Variants in ZNF483 observed in about 807,000 individuals in gnomAD.
ZNF483 encodes zinc finger protein HIT-10.
ZNF483 carries 9 observed loss-of-function variants against 28.6 expected under a neutral mutation model. The observed-to-expected ratio is 0.32, with a 90% confidence interval of 0.19 to 0.55. The LOEUF (loss-of-function observed/expected upper bound fraction) is 0.55. Ranked by LOEUF, ZNF483 falls within the 20% of genes least tolerant of loss-of-function variation. The pLI, the probability that ZNF483 is intolerant of heterozygous loss-of-function variation, is 0.93. For synonymous variants in ZNF483, 322 were observed against 306.2 expected (o/e 1.05, Z -0.54); for missense variants, 675 against 871.7 (o/e 0.77, Z 2.84).
chr9:111,536,347 G>A (rs1377603884), intron 5 of ZNF483, among the ~76,000 whole-genome samples: 10 of 151,452 alleles, frequency 6.6e-5, no homozygotes, highest in South Asian at 2.1e-4. Flanking sequence ...GTGAAACCCC[G>A]TCTCTACTAA....
chr9:111,567,966 T>C (rs1828640749), intron 5 of ZNF483, among the ~76,000 whole-genome samples: 1 of 152,222 alleles, frequency 6.6e-6, no homozygotes, highest in Non-Finnish European at 1.5e-5. Context: ...AATCCTGTTA[T>C]CTTTGTAAGC....
rs1365394002 is a variant in ZNF483, at chr9:111,547,897, A to G, written c.*4727A>G. ...TTGAAGAGACTATCCTTTCCACATC[A>G]TGTATTCTTTGCACTCTTGTCAAAG... On this transcript the variant is annotated 3_prime_UTR_variant, in exon 6 of 6. Coordinates refer to ENST00000309235, the MANE Select transcript of ZNF483 (RefSeq NM_133464.5). Among the ~76,000 whole-genome samples the G allele has an allele frequency of 1.3e-5, 2 of 152,140 alleles. No individual in the cohort carries two copies. The highest frequency in any genetic ancestry group is 4.8e-5 in the African/African-American group (2 of 41,434).
At position 111,550,846 on chromosome 9, in the gene ZNF483, C is replaced by T. The variant is rs1271653560; in HGVS notation, c.*7676C>T. 2.6e-5 allele frequency among the ~76,000 whole-genome samples: 4 copies of T among 152,100 alleles called. No homozygotes were observed. Among genetic ancestry groups the T allele is most frequent in the African/African-American group, 4.8e-5 (2 of 41,414 alleles). On this transcript the variant is annotated 3_prime_UTR_variant, in exon 6 of 6. Transcript: ENST00000309235. ...ATAGGTGAAATATTTTTTCTCTGAG[C>T]ATGTTAATTATAGTGTCTTTCTGTG...
At chr9:111,533,253 A>G (rs532837834) in intron 3 of ZNF483, among the ~76,000 whole-genome samples, 20 of 152,238 alleles carry the variant, frequency 1.3e-4, no homozygotes, top group Non-Finnish European at 2.1e-4. Context: ...ATTTAACACT[A>G]GAGACTGAAT....
intron 5 of ZNF483, chr9:111,570,113 T>G (rs1203018894): frequency 7.4e-6 from 12 of 1,613,896 alleles, no homozygotes; most frequent in Non-Finnish European, 9.3e-6. Context: ...TTTCAGCAAG[T>G]CCTTCAGAGC....
chr9:111,569,662 G>A (rs982983317), intron 5 of ZNF483, among the ~76,000 whole-genome samples: 5 of 152,194 alleles, frequency 3.3e-5, no homozygotes, highest in African/African-American at 4.8e-5. Context: ...CTACTCGGGA[G>A]GCTGAGGCAT....
chr9:111,533,716 A>G (rs368167919), intron 3 of ZNF483, 23 bp from the exon 4 acceptor site: 78 of 1,543,422 alleles, frequency 5.1e-5, no homozygotes, highest in Non-Finnish European at 6.5e-5. Flanking sequence ...AATCCAATAC[A>G]AAAGAGCTGT....
intron 4 of ZNF483, 37 bp downstream of exon 4, chr9:111,533,902 C>G (rs1827410181): frequency 1.9e-6 from 3 of 1,574,570 alleles, no homozygotes; most frequent in Non-Finnish European, 2.6e-6. Context: ...AGCGTTTAAC[C>G]TTGGGTCTCT....
chr9:111,566,182 GAC>G (rs1277049851), intron 5 of ZNF483, among the ~76,000 whole-genome samples: 1 of 152,096 alleles, frequency 6.6e-6, no homozygotes, highest in African/African-American at 2.4e-5. Context: ...CAGCCTGGAC[GAC>G]AGAGTGAGCC....
At chr9:111,556,536 A>T (rs1295822635), downstream of ZNF483, among the ~76,000 whole-genome samples, 1 of 152,216 alleles carries the variant, frequency 6.6e-6, no homozygotes, top group Admixed American at 6.5e-5. Flanking sequence ...ATTCTCTGAA[A>T]TCTAGGCAGA....
rs763064915 is a variant in ZNF483, at chr9:111,555,075, C to T, written c.*11905C>T. Among the ~76,000 whole-genome samples the T allele has an allele frequency of 5.9e-5, 9 of 152,120 alleles. No homozygotes were observed. Among genetic ancestry groups the T allele is most frequent in the Non-Finnish European group, 1.0e-4 (7 of 68,020 alleles). ...CATTACTGGCGAGCAGGCAGAGGCA[C>T]GCCACATGGTGGGATAGGAGTTGGA... is the stretch of plus-strand genomic sequence containing the variant. On this transcript the variant is annotated 3_prime_UTR_variant, in exon 6 of 6. Coordinates refer to ENST00000309235, the MANE Select transcript of ZNF483 (RefSeq NM_133464.5).
rs1048718491 is a variant in ZNF483 at position 111,545,359 on chromosome 9, A to G, written c.*2189A>G. 1.3e-5 allele frequency among the ~76,000 whole-genome samples: 2 copies of G among 152,212 alleles called. No individual in the cohort carries two copies. Among genetic ancestry groups the G allele is most frequent in the East Asian group, 1.9e-4 (1 of 5,208 alleles). ...TACTCTTAGACTCCCTAACATTCATAACAATGTTTTATCCCAGTATCCATT... is the reference window on the plus strand; with the variant it reads ...TACTCTTAGACTCCCTAACATTCATGACAATGTTTTATCCCAGTATCCATT... On this transcript the variant is annotated 3_prime_UTR_variant, in exon 6 of 6. Coordinates refer to ENST00000309235, the MANE Select transcript of ZNF483 (RefSeq NM_133464.5).
chr9:111,573,320 T>A (rs1397656995), intron 5 of ZNF483, among the ~76,000 whole-genome samples: 1 of 152,126 alleles, frequency 6.6e-6, no homozygotes, highest in Non-Finnish European at 1.5e-5. Context: ...GCCAAGTAAA[T>A]CTGGAGTTTC....
Position 111,527,749 on chromosome 9 carries a change from G to C in ZNF483, c.354G>C (p.Glu118Asp). Residue 118 changes from glutamate to aspartate, a missense_variant, in exon 2 of 6, where the codon GAG (glutamate) becomes GAC (aspartate). Physicochemically the swap from Glu to Asp is conservative, Grantham distance 45 (BLOSUM62 2). Transcript: ENST00000309235. ...IRIWVKSQHP[E>D]SSEEVVTLIE... ...TTTGGGTAAAGTCACAACATCCTGA[G>C]AGTAGTGAGGAAGTGGTGACCCTAA... 1 of 1,614,196 alleles carries C rather than the reference G, an allele frequency of 6.2e-7. No individual in the cohort carries two copies. The highest frequency in any genetic ancestry group is 1.1e-5 in the South Asian group (1 of 91,082).
At position 111,560,944 on chromosome 9, in the gene ZNF483, A is replaced by AAT. The variant is rs746101013; in HGVS notation, c.722-15391_722-15390dup. Reference sequence around the variant, plus strand: ...GGCAACAGAGTGAGACTCCATCTAAAATATATATATATATATATATATATA... The same window carrying AAT: ...GGCAACAGAGTGAGACTCCATCTAAAATATATATATATATATATATATATATA... On this transcript the variant is annotated intron_variant, in intron 5 of 5. Coordinates refer to the ZNF483 transcript ENST00000358151. Among the ~76,000 whole-genome samples, 12 of 31,206 alleles carry AAT rather than the reference A, an allele frequency of 3.8e-4. 2 individuals carry two copies. Among genetic ancestry groups the AAT allele is most frequent in the East Asian group, 1.2e-3 (1 of 804 alleles). The allele number at this position is 31,206 out of a possible 152,430, so 20.5% of individuals were successfully genotyped here.
At position 111,543,047 on chromosome 9, in the gene ZNF483, A is replaced by T. The variant is rs1302379527; in HGVS notation, c.2112A>T (p.Ser704=). Reference sequence around the variant, plus strand: ...GTGGTGCAACCTTTAGTCGAAGCTCAATCCTTGTAGAACACCTAAAAATTC... The same window carrying T: ...GTGGTGCAACCTTTAGTCGAAGCTCTATCCTTGTAGAACACCTAAAAATTC... The part of the protein sequence containing the change: ...NYCGATFSRS[S]ILVEHLKIHT... The change falls in exon 6 of 6, where the codon TCA becomes TCT. Residue 704 remains serine, a synonymous_variant. Coordinates refer to ENST00000309235, the MANE Select transcript of ZNF483 (RefSeq NM_133464.5). The T allele has an allele frequency of 6.2e-7, 1 of 1,614,116 alleles. No homozygotes were observed. The highest frequency in any genetic ancestry group is 8.5e-7 in the Non-Finnish European group (1 of 1,179,960).
At chr9:111,533,718 A>C in intron 3 of ZNF483, 21 bp from the exon 4 acceptor site, 2 of 1,543,848 alleles carry the variant, frequency 1.3e-6, no homozygotes, top group Non-Finnish European at 1.7e-6. Context: ...TCCAATACAA[A>C]AGAGCTGTTT....
chr9:111,553,485 A>G lies in ZNF483; in HGVS notation c.*10315A>G, dbSNP rs182524556. 3.3e-4 allele frequency among the ~76,000 whole-genome samples: 50 copies of G among 152,322 alleles called. No individual in the cohort carries two copies. Among genetic ancestry groups the G allele is most frequent in the Non-Finnish European group, 4.4e-4 (30 of 68,026 alleles). Reference sequence around the variant, plus strand: ...TGTGCTGTTTGCATAGGTATACTCTATCTTGTGCTATCTGCATAAAATATC... The same window carrying G: ...TGTGCTGTTTGCATAGGTATACTCTGTCTTGTGCTATCTGCATAAAATATC... On this transcript the variant is annotated 3_prime_UTR_variant, in exon 6 of 6. Transcript: ENST00000309235.
Position 111,543,813 on chromosome 9 carries a change from T to A in ZNF483, c.*643T>A, listed in dbSNP as rs1827736612. ...TCAATTTTTCTTTTTTGGGATGGAGTCTCACTATGTTGCCCAGACTGGTCT... is the reference window on the plus strand; with the variant it reads ...TCAATTTTTCTTTTTTGGGATGGAGACTCACTATGTTGCCCAGACTGGTCT... On this transcript the variant is annotated 3_prime_UTR_variant, in exon 6 of 6. Coordinates refer to ENST00000309235, the MANE Select transcript of ZNF483 (RefSeq NM_133464.5). 2.2e-6 allele frequency: 2 copies of A among 926,124 alleles called. No homozygotes were observed. Among genetic ancestry groups the A allele is most frequent in the Admixed American group, 6.3e-5 (1 of 15,822 alleles). 57.4% of individuals were successfully genotyped at this position (926,124 alleles called of 1,614,324 possible). A position where few individuals can be genotyped will look rare whatever the true frequency, so the allele number is the denominator to read the frequency against.
Sources: allele counts gnomAD v4.1 joint callset (sites outside exome capture counted in the v4.1 genomes callset), GRCh38; gene constraint gnomAD v4.1.1; transcripts MANE v1.5; gene names NCBI Gene and HGNC (gene_info 2026-07-23, HGNC 2026-07-21).